Variants in ARB2A observed in about 807,000 individuals in gnomAD.
ARB2A encodes ARB2 cotranscriptional regulator A, also known as cotranscriptional regulator ARB2A.
At chr5:93,693,596 A>T in the ARB2A span, among the ~76,000 whole-genome samples, 3 of 152,300 alleles carry the variant, frequency 2.0e-5, no homozygotes, top group South Asian at 6.2e-4. Flanking sequence ...GTCCAGGACC[A>T]GATGGATTCA....
the ARB2A span, among the ~76,000 whole-genome samples, chr5:93,702,918 A>C: frequency 1.3e-5 from 2 of 152,172 alleles, no homozygotes; most frequent in Non-Finnish European, 2.9e-5. Flanking sequence ...CACCACGTTA[A>C]AACTGTCATA....
chr5:94,069,585 C>T, the ARB2A span, among the ~76,000 whole-genome samples: 2 of 151,962 alleles, frequency 1.3e-5, no homozygotes, highest in African/African-American at 4.8e-5. Flanking sequence ...AACAATTCAG[C>T]AGTAAAAAAC....
the ARB2A span, among the ~76,000 whole-genome samples, chr5:93,803,105 C>T: frequency 2.0e-5 from 3 of 152,014 alleles, no homozygotes; most frequent in African/African-American, 7.2e-5. Context: ...CAGGTGCCTG[C>T]TTAGATAGGT....
chr5:93,848,248 T>C, the ARB2A span, among the ~76,000 whole-genome samples: 2 of 152,064 alleles, frequency 1.3e-5, no homozygotes, highest in Non-Finnish European at 2.9e-5. Flanking sequence ...CTGAGTGTGG[T>C]AGTGCATGCC....
At chr5:93,933,884 T>C in the ARB2A span, among the ~76,000 whole-genome samples, 2 of 152,162 alleles carry the variant, frequency 1.3e-5, no homozygotes, top group African/African-American at 2.4e-5. Context: ...CTTGCACCTG[T>C]AGTCCCAGCT....
chr5:94,028,382 G>T, the ARB2A span, among the ~76,000 whole-genome samples: 1 of 152,142 alleles, frequency 6.6e-6, no homozygotes, highest in Non-Finnish European at 1.5e-5. Context: ...TATGCTCCAG[G>T]CAAAATATTA....
chr5:94,082,623 G>A, the ARB2A span, among the ~76,000 whole-genome samples: 1 of 152,072 alleles, frequency 6.6e-6, no homozygotes, highest in Non-Finnish European at 1.5e-5. Context: ...TATTCAAGGG[G>A]AAAATTTCAG....
chr5:93,793,029 A>T, the ARB2A span, among the ~76,000 whole-genome samples: 1 of 151,882 alleles, frequency 6.6e-6, no homozygotes, highest in Non-Finnish European at 1.5e-5. Context: ...TAAGTGACCC[A>T]CGCATACCAC....
the ARB2A span, among the ~76,000 whole-genome samples, chr5:93,744,662 G>A: frequency 2.0e-5 from 3 of 152,108 alleles, no homozygotes; most frequent in Admixed American, 6.5e-5. Flanking sequence ...ACGTCCTATG[G>A]AAATGGGGTT....
chr5:93,820,699 A>T, the ARB2A span, among the ~76,000 whole-genome samples: 3 of 152,198 alleles, frequency 2.0e-5, no homozygotes. Flanking sequence ...TATACAGAAA[A>T]GATAACAGAG....
the ARB2A span, among the ~76,000 whole-genome samples, chr5:93,956,038 C>A: frequency 6.6e-6 from 1 of 152,208 alleles, no homozygotes; most frequent in South Asian, 2.1e-4. Context: ...GTGTTTCTTA[C>A]TCCAGGTAAC....
chr5:93,936,574 A>C, the ARB2A span, among the ~76,000 whole-genome samples: 13,584 of 152,262 alleles, frequency 0.089, 786 homozygotes, highest in Middle Eastern at 0.16. Flanking sequence ...ATAATAATTA[A>C]TGTTATTTGG....
chr5:93,975,246 G>A, the ARB2A span, among the ~76,000 whole-genome samples: 2 of 150,950 alleles, frequency 1.3e-5, no homozygotes, highest in African/African-American at 4.9e-5. Flanking sequence ...GAACCCGGGA[G>A]GCGGAGCTTG....
chr5:93,962,787 A>G, the ARB2A span, among the ~76,000 whole-genome samples: 1 of 152,148 alleles, frequency 6.6e-6, no homozygotes, highest in Non-Finnish European at 1.5e-5. Flanking sequence ...AACTTTATTA[A>G]CCAAAGATGG....
the ARB2A span, among the ~76,000 whole-genome samples, chr5:93,832,923 C>G: frequency 6.6e-6 from 1 of 152,152 alleles, no homozygotes; most frequent in African/African-American, 2.4e-5. Flanking sequence ...AGGTCAGAAT[C>G]TCATGCAGAA....
the ARB2A span, among the ~76,000 whole-genome samples, chr5:93,849,345 A>G: frequency 6.6e-6 from 1 of 152,200 alleles, no homozygotes; most frequent in Non-Finnish European, 1.5e-5. Context: ...TGTAAAAAGA[A>G]AAATTTTCTA....
the ARB2A span, among the ~76,000 whole-genome samples, chr5:94,022,447 C>G: frequency 1.0e-3 from 156 of 152,238 alleles, 1 homozygote; most frequent in African/African-American, 3.6e-3. Flanking sequence ...AGGCTCTGCA[C>G]ATAGCTGGAA....
At chr5:94,047,210 G>A in the ARB2A span, among the ~76,000 whole-genome samples, 2 of 152,182 alleles carry the variant, frequency 1.3e-5, no homozygotes, top group East Asian at 3.8e-4. Context: ...TAAATGCTAT[G>A]GCCAGGCACA....
At chr5:93,998,577 G>C in the ARB2A span, among the ~76,000 whole-genome samples, 1 of 151,900 alleles carries the variant, frequency 6.6e-6, no homozygotes, top group African/African-American at 2.4e-5. Flanking sequence ...TAAAGGTTTA[G>C]TATAAAAGGA....
Sources: gnomAD v4.1 joint callset for allele counts (sites outside exome capture counted in the v4.1 genomes callset) on GRCh38, gnomAD v4.1.1 for gene constraint, MANE v1.5 for transcripts, NCBI Gene and HGNC (gene_info 2026-07-23, HGNC 2026-07-21) for gene names.